CDH13: variants seen among roughly 807,000 people sequenced by gnomAD.
The protein encoded by CDH13 is cadherin 13, also known as cadherin-13.
Under a neutral mutation model 63.8 loss-of-function variants are expected in CDH13, and 24 were observed. The observed-to-expected ratio is 0.38, with a 90% CI of 0.27 to 0.53. CDH13 has a LOEUF of 0.53. Among genes scored for constraint, CDH13 ranks in the 20% least tolerant of loss-of-function variants. The pLI is 0.85. For synonymous variants in CDH13, 503 were observed against 355.3 expected, an observed-to-expected ratio of 1.42 and a Z score of -4.67; for missense variants, 1,049 against 903.1, an observed-to-expected ratio of 1.16 and a Z score of -2.07.
At chr16:82,749,047 A>T (rs1265220445) in intron 1 of CDH13, among the ~76,000 whole-genome samples, 1 of 152,140 alleles carries the variant, frequency 6.6e-6, no homozygotes, top group Non-Finnish European at 1.5e-5. Flanking sequence ...ACTCCCCTGA[A>T]ATATGAGTTC....
chr16:82,739,183 A>G (rs997809851), intron 1 of CDH13, among the ~76,000 whole-genome samples: 1 of 151,968 alleles, frequency 6.6e-6, no homozygotes, highest in African/African-American at 2.4e-5. Context: ...TAATTGCTTA[A>G]CCAGATGTGA....
At chr16:82,695,785 G>A (rs539252753) in intron 1 of CDH13, among the ~76,000 whole-genome samples, 8 of 152,310 alleles carry the variant, frequency 5.3e-5, no homozygotes, top group Admixed American at 4.6e-4. Context: ...ATGCAGCCTG[G>A]TAGAGTTGAG....
At chr16:82,678,416 ATC>A (rs1439663591) in intron 1 of CDH13, among the ~76,000 whole-genome samples, 3 of 149,162 alleles carry the variant, frequency 2.0e-5, no homozygotes, top group African/African-American at 7.4e-5. Flanking sequence ...CTGTTTGCTT[ATC>A]TGTTTTCAGT....
intron 5 of CDH13, among the ~76,000 whole-genome samples, chr16:83,226,929 T>C (rs1278365159): frequency 6.6e-6 from 1 of 152,178 alleles, no homozygotes; most frequent in Non-Finnish European, 1.5e-5. Flanking sequence ...AGATATTTAT[T>C]TTTATTTGGT....
intron 3 of CDH13, among the ~76,000 whole-genome samples, chr16:83,111,551 G>A (rs559038870): frequency 1.3e-5 from 2 of 152,330 alleles, no homozygotes; most frequent in East Asian, 1.9e-4. Flanking sequence ...CTCTTCAGGA[G>A]AGCAGATCAT....
intron 4 of CDH13, among the ~76,000 whole-genome samples, chr16:83,189,367 C>T (rs111540386): frequency 5.9e-5 from 9 of 152,332 alleles, no homozygotes; most frequent in African/African-American, 2.2e-4. Context: ...TGTAAATCCT[C>T]TGTGGATTAC....
chr16:82,811,480 T>A (rs900039739), intron 1 of CDH13, among the ~76,000 whole-genome samples: 3 of 152,190 alleles, frequency 2.0e-5, no homozygotes, highest in Non-Finnish European at 4.4e-5. Flanking sequence ...TTCCTATAAC[T>A]GGTGACAAAC....
chr16:82,664,497 C>G (rs1912355804), intron 1 of CDH13, among the ~76,000 whole-genome samples: 1 of 152,200 alleles, frequency 6.6e-6, no homozygotes, highest in Non-Finnish European at 1.5e-5. Context: ...AGAGTCCTGT[C>G]AATGCAGTAG....
At chr16:83,650,019 G>T (rs11149588) in intron 8 of CDH13, among the ~76,000 whole-genome samples, 1 of 152,206 alleles carries the variant, frequency 6.6e-6, no homozygotes, top group Non-Finnish European at 1.5e-5. Flanking sequence ...TGGAAAATGC[G>T]GTGTTTTAAT....
At chr16:82,876,475 C>A (rs900899233) in intron 2 of CDH13, among the ~76,000 whole-genome samples, 1 of 152,068 alleles carries the variant, frequency 6.6e-6, no homozygotes, top group African/African-American at 2.4e-5. Flanking sequence ...TAATGAAAAT[C>A]AAGTTTTGTA....
At chr16:82,915,653 T>C (rs1458215174) in intron 2 of CDH13, among the ~76,000 whole-genome samples, 4 of 151,918 alleles carry the variant, frequency 2.6e-5, no homozygotes, top group Admixed American at 1.3e-4. Context: ...TGTGGTCTTA[T>C]CTACTGCCTG....
At chr16:83,164,295 A>T in intron 4 of CDH13, among the ~76,000 whole-genome samples, 1 of 151,816 alleles carries the variant, frequency 6.6e-6, no homozygotes, top group East Asian at 1.9e-4. Context: ...GAGGCCACAC[A>T]TCACACACCA....
At chr16:83,123,064 CT>C (rs2035655635) in intron 3 of CDH13, among the ~76,000 whole-genome samples, 1 of 152,054 alleles carries the variant, frequency 6.6e-6, no homozygotes, top group Non-Finnish European at 1.5e-5. Flanking sequence ...TGGATCATGT[CT>C]TCCGGCTTCA....
intron 5 of CDH13, among the ~76,000 whole-genome samples, chr16:83,226,689 G>C (rs1203015270): frequency 6.6e-6 from 1 of 152,180 alleles, no homozygotes; most frequent in Non-Finnish European, 1.5e-5. Flanking sequence ...GGGACTGCAA[G>C]AGCCTTAGAC....
intron 5 of CDH13, among the ~76,000 whole-genome samples, chr16:83,310,192 T>A (rs1189018748): frequency 6.6e-6 from 1 of 152,190 alleles, no homozygotes; most frequent in Non-Finnish European, 1.5e-5. Flanking sequence ...ACTAACCTTG[T>A]GAAAGTCATT....
intron 7 of CDH13, among the ~76,000 whole-genome samples, chr16:83,547,240 G>A (rs759392135): frequency 1.3e-5 from 2 of 152,248 alleles, no homozygotes; most frequent in African/African-American, 4.8e-5. Flanking sequence ...ACACAGCAGT[G>A]AGCCTGGACC....
intron 2 of CDH13, among the ~76,000 whole-genome samples, chr16:83,021,651 A>G (rs1025848178): frequency 1.3e-5 from 2 of 152,186 alleles, no homozygotes; most frequent in African/African-American, 4.8e-5. Context: ...TTGAAACTCT[A>G]TTTTATCAAA....
At chr16:82,837,062 C>G (rs879488992) in intron 1 of CDH13, among the ~76,000 whole-genome samples, 28 of 152,186 alleles carry the variant, frequency 1.8e-4, no homozygotes, top group Non-Finnish European at 3.8e-4. Flanking sequence ...TTAAAATGGG[C>G]AACCCATCGA....
intron 3 of CDH13, among the ~76,000 whole-genome samples, chr16:83,105,653 T>A (rs9923171): frequency 6.6e-6 from 1 of 151,992 alleles, no homozygotes; most frequent in South Asian, 2.1e-4. Context: ...ATACTACTTA[T>A]TAAAGTTAAA....
Sources: allele counts gnomAD v4.1 joint callset (sites outside exome capture counted in the v4.1 genomes callset), GRCh38; gene constraint gnomAD v4.1.1; transcripts MANE v1.5; gene names NCBI Gene and HGNC (gene_info 2026-07-23, HGNC 2026-07-21).